DNAJC3: variants seen among roughly 807,000 people sequenced by gnomAD.
The protein encoded by DNAJC3 is DnaJ heat shock protein family (Hsp40) member C3.
DNAJC3 carries 38 observed loss-of-function variants against 68.6 expected under a neutral mutation model. That is an observed-to-expected ratio of 0.55 (90% CI 0.43 to 0.73). The LOEUF (loss-of-function observed/expected upper bound fraction) is 0.73, where lower values mean the gene tolerates loss of function less well. Ranked by LOEUF, DNAJC3 falls within the 30% of genes least tolerant of loss-of-function variation. DNAJC3 has a pLI of 0.00. For missense variants in DNAJC3, 526 were observed against 591.9 expected, an observed-to-expected ratio of 0.89 and a Z score of 1.16; for synonymous variants, 203 against 204.0, an observed-to-expected ratio of 1.00 and a Z score of 0.04.
At chr13:95,758,434 G>C (rs1379905266) in intron 5 of DNAJC3, among the ~76,000 whole-genome samples, 1 of 151,014 alleles carries the variant, frequency 6.6e-6, no homozygotes, top group Non-Finnish European at 1.5e-5. Flanking sequence ...CCAGGAGTTT[G>C]AGACTAGCCT....
At position 95,764,375 on chromosome 13, in the gene DNAJC3, CTATA is replaced by C. The variant is rs61150940; in HGVS notation, c.1075+439_1075+442del. 2.3e-3 allele frequency among the ~76,000 whole-genome samples: 283 copies of C among 124,010 alleles called. 1 individual carries two copies. The highest frequency in any genetic ancestry group is 0.011 in the East Asian group (47 of 4,284). The allele number at this position is 124,010 out of a possible 152,430, so 81.4% of individuals were successfully genotyped here. On this transcript the variant is annotated intron_variant, in intron 9 of 11. Coordinates refer to ENST00000602402, the MANE Select transcript of DNAJC3 (RefSeq NM_006260.5). ...TCTCTCTCTCTCTCTCTCTCTCTCT[CTATA>C]TATATATATATATATACTCGGTGTG...
At chr13:95,691,315 G>A (rs1384530839) in intron 1 of DNAJC3, among the ~76,000 whole-genome samples, 7 of 150,658 alleles carry the variant, frequency 4.6e-5, no homozygotes, top group East Asian at 2.0e-4. Context: ...CTTGCCGGGC[G>A]GAGGGACTCC....
chr13:95,684,488 C>G (rs1880016975), intron 1 of DNAJC3, among the ~76,000 whole-genome samples: 1 of 152,134 alleles, frequency 6.6e-6, no homozygotes, highest in African/African-American at 2.4e-5. Flanking sequence ...AAAAGGGAAA[C>G]AGAGCAGAAG....
chr13:95,713,965 T>C (rs1375607114), intron 2 of DNAJC3, among the ~76,000 whole-genome samples: 1 of 152,188 alleles, frequency 6.6e-6, no homozygotes. Context: ...CTGGTACCTG[T>C]TGGGATGTCA....
In DNAJC3 at chr13:95,723,373, A is replaced by G. The variant is rs373391560; in HGVS notation, c.318+7A>G. Reference sequence around the variant, plus strand: ...GAAGATGGACTTCACTGCAGTAAGTATATCTCAACTTTCTTTAAAGGGGAA... The same window carrying G: ...GAAGATGGACTTCACTGCAGTAAGTGTATCTCAACTTTCTTTAAAGGGGAA... On this transcript the variant is annotated splice_region_variant and intron_variant, in intron 3 of 11. Coordinates refer to ENST00000602402, the MANE Select transcript of DNAJC3 (RefSeq NM_006260.5). 5.0e-6 allele frequency: 8 copies of G among 1,603,360 alleles called. No individual in the cohort carries two copies. The highest frequency in any genetic ancestry group is 1.7e-4 in the Middle Eastern group (1 of 6,000).
At chr13:95,749,160 C>A (rs1264834006) in intron 4 of DNAJC3, among the ~76,000 whole-genome samples, 1 of 152,206 alleles carries the variant, frequency 6.6e-6, no homozygotes, top group Non-Finnish European at 1.5e-5. Context: ...CTTAGATATG[C>A]ATTTTTGTTA....
intron 11 of DNAJC3, among the ~76,000 whole-genome samples, chr13:95,789,166 T>A (rs954523771): frequency 1.7e-4 from 26 of 152,240 alleles, no homozygotes; most frequent in African/African-American, 6.0e-4. Context: ...TTTTATTTTT[T>A]TTTTGTAAGT....
At chr13:95,775,360 G>T (rs973180168) in intron 9 of DNAJC3, among the ~76,000 whole-genome samples, 5 of 152,170 alleles carry the variant, frequency 3.3e-5, no homozygotes, top group African/African-American at 9.7e-5. Flanking sequence ...TCCCTTGTCT[G>T]CCTGCTACAG....
intron 4 of DNAJC3, among the ~76,000 whole-genome samples, chr13:95,749,038 A>G (rs1425313130): frequency 6.6e-6 from 1 of 152,230 alleles, no homozygotes; most frequent in Non-Finnish European, 1.5e-5. Flanking sequence ...GTAAGGAGCT[A>G]TCAATTATAA....
At chr13:95,718,055 A>G (rs536270048) in intron 2 of DNAJC3, among the ~76,000 whole-genome samples, 3 of 152,156 alleles carry the variant, frequency 2.0e-5, no homozygotes, top group Non-Finnish European at 4.4e-5. Flanking sequence ...TTCTGGGTAG[A>G]GGTTAAATCC....
At chr13:95,685,218 C>T (rs909872756) in intron 1 of DNAJC3, among the ~76,000 whole-genome samples, 5 of 152,240 alleles carry the variant, frequency 3.3e-5, no homozygotes, top group South Asian at 4.1e-4. Flanking sequence ...TGCCCAAGGC[C>T]TTGGGAGCTC....
At chr13:95,747,019 G>C (rs1402062369) in intron 4 of DNAJC3, among the ~76,000 whole-genome samples, 2 of 151,952 alleles carry the variant, frequency 1.3e-5, no homozygotes, top group Non-Finnish European at 1.5e-5. Flanking sequence ...GGGCTTACGT[G>C]GATAATATTT....
chr13:95,723,739 G>A (rs943405333), intron 3 of DNAJC3, among the ~76,000 whole-genome samples: 1 of 152,156 alleles, frequency 6.6e-6, no homozygotes, highest in Non-Finnish European at 1.5e-5. Flanking sequence ...GGCTGTACCA[G>A]GAAGAATAAA....
At chr13:95,701,110 G>A (rs1472697520) in intron 1 of DNAJC3, among the ~76,000 whole-genome samples, 1 of 152,166 alleles carries the variant, frequency 6.6e-6, no homozygotes, top group Non-Finnish European at 1.5e-5. Flanking sequence ...GGTTTCAGGT[G>A]AGCCTTCAGG....
chr13:95,759,374 C>T (rs946765637), intron 5 of DNAJC3, among the ~76,000 whole-genome samples: 1 of 152,062 alleles, frequency 6.6e-6, no homozygotes, highest in Admixed American at 6.6e-5. Context: ...TGCAGTGGTG[C>T]GATTGTAGCT....
chr13:95,745,392 C>T (rs897944797), intron 4 of DNAJC3: 1 of 152,174 alleles, frequency 6.6e-6, no homozygotes, highest in African/African-American at 2.4e-5. Flanking sequence ...GTAAGAACTG[C>T]TACAAAGCAT....
chr13:95,755,757 A>C (rs1200615465), intron 4 of DNAJC3, among the ~76,000 whole-genome samples: 1 of 100,524 alleles, frequency 9.9e-6, no homozygotes, highest in Admixed American at 9.5e-5. Context: ...ACGCCGTCTC[A>C]AAAAAAAAAA....
intron 9 of DNAJC3, among the ~76,000 whole-genome samples, chr13:95,774,024 G>A (rs982782081): frequency 1.1e-4 from 16 of 152,058 alleles, no homozygotes; most frequent in African/African-American, 3.4e-4. Context: ...CGTGAGCCAC[G>A]GTGCCTGGCC....
chr13:95,784,215 T>C (rs1289708190), intron 9 of DNAJC3, among the ~76,000 whole-genome samples: 2 of 152,210 alleles, frequency 1.3e-5, no homozygotes, highest in Non-Finnish European at 2.9e-5. Context: ...ATTGGAATTA[T>C]CTATGCAGGG....
Sources: allele counts gnomAD v4.1 joint callset (sites outside exome capture counted in the v4.1 genomes callset), GRCh38; gene constraint gnomAD v4.1.1; transcripts MANE v1.5; gene names NCBI Gene and HGNC (gene_info 2026-07-23, HGNC 2026-07-21).